CAMTA1: variants seen among roughly 807,000 people sequenced by gnomAD.
CAMTA1 encodes the protein calmodulin-binding transcription activator 1.
In CAMTA1, 27 loss-of-function variants were observed where a neutral mutation model predicts 170.9. The observed-to-expected ratio is 0.16, with a 90% CI of 0.12 to 0.22. The LOEUF (loss-of-function observed/expected upper bound fraction) is 0.22. Among genes scored for constraint, CAMTA1 ranks in the 10% least tolerant of loss-of-function variants. The pLI is 1.00. For missense variants in CAMTA1, 1,619 were observed against 2,217.2 expected (o/e 0.73, Z 5.42); for synonymous variants, 833 against 891.5 (o/e 0.93, Z 1.17).
At chr1:7,084,215 GTTTAA>G (rs755349329) in intron 3 of CAMTA1, among the ~76,000 whole-genome samples, 20 of 151,768 alleles carry the variant, frequency 1.3e-4, no homozygotes, top group African/African-American at 2.2e-4. Context: ...GTTGTTTTTT[GTTTAA>G]TTTGTTACAG....
intron 5 of CAMTA1, among the ~76,000 whole-genome samples, chr1:7,421,854 T>A (rs1276560076): frequency 6.6e-6 from 1 of 151,634 alleles, no homozygotes; most frequent in African/African-American, 2.4e-5. Flanking sequence ...CACGGGGCAC[T>A]GGGGCATGAC....
In CAMTA1 at chr1:7,173,236, A is replaced by G. The variant is rs1297887726; in HGVS notation, c.303-76255A>G. On this transcript the variant is annotated intron_variant, in intron 4 of 22. Coordinates refer to ENST00000303635, the MANE Select transcript of CAMTA1 (RefSeq NM_015215.4). The surrounding 1 kb of genome is among the most constrained non-coding windows in gnomAD (Gnocchi z 5.4). Reference sequence around the variant, plus strand: ...TTCCCAGTTCTCTGGCCTCAGGCACATCATCCTAAACTGGGCACGATAATC... The same window carrying G: ...TTCCCAGTTCTCTGGCCTCAGGCACGTCATCCTAAACTGGGCACGATAATC... Among the ~76,000 whole-genome samples, 1 of 152,196 alleles carries G rather than the reference A, an allele frequency of 6.6e-6. No individual in the cohort carries two copies. The highest frequency in any genetic ancestry group is 2.4e-5 in the African/African-American group (1 of 41,446).
intron 7 of CAMTA1, among the ~76,000 whole-genome samples, chr1:7,640,972 C>G (rs2095756161): frequency 6.6e-6 from 1 of 152,212 alleles, no homozygotes; most frequent in African/African-American, 2.4e-5. Context: ...TGGGCTTAGC[C>G]ACCACCTCCT....
At chr1:7,105,901 C>T (rs914565016) in intron 4 of CAMTA1, among the ~76,000 whole-genome samples, 5 of 151,910 alleles carry the variant, frequency 3.3e-5, no homozygotes, top group Non-Finnish European at 7.4e-5. Flanking sequence ...AGATCACGCA[C>T]CGTACTCCAG....
intron 1 of CAMTA1, among the ~76,000 whole-genome samples, chr1:6,801,906 T>C (rs1485535295): frequency 6.6e-6 from 1 of 152,164 alleles, no homozygotes; most frequent in East Asian, 1.9e-4. Context: ...GCAATATTTA[T>C]ATTTGTAAAG....
chr1:6,933,445 A>T (rs1684770492), intron 3 of CAMTA1, among the ~76,000 whole-genome samples: 1 of 152,062 alleles, frequency 6.6e-6, no homozygotes, highest in Admixed American at 6.6e-5. Flanking sequence ...TTTCTAGTAG[A>T]GGTGGGGTTT....
At chr1:7,719,562 CAG>C (rs910989098) in intron 11 of CAMTA1, among the ~76,000 whole-genome samples, 24 of 152,300 alleles carry the variant, frequency 1.6e-4, no homozygotes, top group African/African-American at 5.8e-4. Flanking sequence ...TATACAGAGT[CAG>C]AGAGTTTTCA....
intron 6 of CAMTA1, among the ~76,000 whole-genome samples, chr1:7,632,020 CGCCCAG>C (rs2095673043): frequency 1.9e-5 from 2 of 102,688 alleles, no homozygotes; most frequent in African/African-American, 1.0e-4. Context: ...CGCCCAGTGT[CGCCCAG>C]TGCCGCCCAG....
rs1362713070 is a variant in CAMTA1 at position 7,547,830 on chromosome 1, C to G, written c.510+79929C>G. Among the ~76,000 whole-genome samples the G allele has an allele frequency of 8.6e-6, 1 of 116,042 alleles. No individual in the cohort carries two copies. 76.1% of individuals were successfully genotyped at this position (116,042 alleles called of 152,430 possible). A position where few individuals can be genotyped will look rare whatever the true frequency, so the allele number is the denominator to read the frequency against. ...TCACATCTCTGCCACCCCATGTGGG[C>G]CCCCTCCAAACCCAGACTCTGACAC... On this transcript the variant is annotated intron_variant, in intron 6 of 22. Transcript: ENST00000303635. This position sits in a 1 kb window ranked among gnomAD's most constrained non-coding sequence, Gnocchi z 5.7.
intron 6 of CAMTA1, among the ~76,000 whole-genome samples, chr1:7,546,227 A>T (rs1407336952): frequency 6.6e-6 from 1 of 152,100 alleles, no homozygotes; most frequent in East Asian, 1.9e-4. Context: ...AAGTGCTGGG[A>T]TTACAGGCGT....
chr1:6,950,324 G>A (rs920820025), intron 3 of CAMTA1, among the ~76,000 whole-genome samples: 19 of 152,220 alleles, frequency 1.2e-4, no homozygotes, highest in African/African-American at 4.3e-4. Context: ...ATCTTGATGG[G>A]TGTGTGCTTT....
intron 6 of CAMTA1, among the ~76,000 whole-genome samples, chr1:7,564,386 A>G (rs778721652): frequency 3.3e-5 from 5 of 152,248 alleles, no homozygotes; most frequent in Non-Finnish European, 7.3e-5. Flanking sequence ...GGTTATAGTG[A>G]ACCCTGAAAA....
At chr1:7,364,400 G>T (rs2085801610) in intron 5 of CAMTA1, among the ~76,000 whole-genome samples, 1 of 151,688 alleles carries the variant, frequency 6.6e-6, no homozygotes, top group Non-Finnish European at 1.5e-5. Flanking sequence ...CACCTTCTAT[G>T]TGTCCTCACA....
chr1:7,126,893 C>T (rs942834743), intron 4 of CAMTA1, among the ~76,000 whole-genome samples: 2 of 152,174 alleles, frequency 1.3e-5, no homozygotes, highest in Non-Finnish European at 2.9e-5. Context: ...GCCTCAGCCT[C>T]CCGAGTAACT....
At chr1:7,017,914 T>G (rs1003679420) in intron 3 of CAMTA1, among the ~76,000 whole-genome samples, 66 of 151,824 alleles carry the variant, frequency 4.3e-4, no homozygotes, top group African/African-American at 1.5e-3. Flanking sequence ...GTACTTTCTG[T>G]GAGTGTTGAG....
intron 11 of CAMTA1, among the ~76,000 whole-genome samples, chr1:7,708,711 GCAC>G (rs2096546111): frequency 6.6e-6 from 1 of 152,164 alleles, no homozygotes; most frequent in South Asian, 2.1e-4. Context: ...CATCTTTGAA[GCAC>G]CTACTATACA....
intron 1 of CAMTA1, among the ~76,000 whole-genome samples, chr1:6,798,584 A>ATT (rs548325478): frequency 1.8e-4 from 21 of 117,608 alleles, no homozygotes; most frequent in Non-Finnish European, 2.1e-4. Context: ...CACCTGGCTA[A>ATT]TTTTTTTTTT....
chr1:7,018,131 T>C (rs902194748), intron 3 of CAMTA1, among the ~76,000 whole-genome samples: 1 of 152,174 alleles, frequency 6.6e-6, no homozygotes, highest in Non-Finnish European at 1.5e-5. Context: ...GCCTGGCTAA[T>C]GCCAGGGCTT....
intron 4 of CAMTA1, among the ~76,000 whole-genome samples, chr1:7,116,577 T>G (rs1485399678): frequency 6.6e-6 from 1 of 152,162 alleles, no homozygotes; most frequent in African/African-American, 2.4e-5. Context: ...ATCCACCCAC[T>G]TTAATTTCAT....
Sources: gnomAD v4.1 joint callset for allele counts (sites outside exome capture counted in the v4.1 genomes callset) on GRCh38, gnomAD v4.1.1 for gene constraint, Gnocchi (gnomAD v3.1) non-coding constraint, MANE v1.5 for transcripts, NCBI Gene and HGNC (gene_info 2026-07-23, HGNC 2026-07-21) for gene names.